The following CLIC4 variants were observed in gnomAD, a reference collection of about 807,000 sequenced individuals.
The protein encoded by CLIC4 is CLIC family member 4, also known as chloride intracellular channel protein 4.
CLIC4 carries 13 observed loss-of-function variants against 24.6 expected under a neutral mutation model. That is an observed-to-expected ratio of 0.53 (90% confidence interval 0.34 to 0.84). The LOEUF (loss-of-function observed/expected upper bound fraction) is 0.84, where lower values mean the gene tolerates loss of function less well. Among genes scored for constraint, CLIC4 ranks in the 40% least tolerant of loss-of-function variants. The pLI is 0.01. For missense variants in CLIC4, 227 were observed against 301.7 expected (o/e 0.75, Z 1.83); for synonymous variants, 104 against 111.3 (o/e 0.93, Z 0.41).
intron 1 of CLIC4, among the ~76,000 whole-genome samples, chr1:24,751,504 C>G (rs1638775906): frequency 2.6e-5 from 4 of 152,114 alleles, no homozygotes; most frequent in Admixed American, 2.6e-4. Context: ...TCCCAAAGTG[C>G]TGGGATTACA....
At chr1:24,795,046 G>A (rs1460900231) in intron 1 of CLIC4, among the ~76,000 whole-genome samples, 1 of 152,120 alleles carries the variant, frequency 6.6e-6, no homozygotes, top group Non-Finnish European at 1.5e-5. Flanking sequence ...GTGGAGGATG[G>A]AAGGAGGGAG....
intron 1 of CLIC4, among the ~76,000 whole-genome samples, chr1:24,783,956 G>A (rs752546584): frequency 2.6e-5 from 4 of 151,646 alleles, no homozygotes; most frequent in Non-Finnish European, 5.9e-5. Flanking sequence ...GGCATCATGA[G>A]GAATTCAAAG....
At chr1:24,798,793 T>C (rs1435223314) in intron 2 of CLIC4, among the ~76,000 whole-genome samples, 1 of 150,978 alleles carries the variant, frequency 6.6e-6, no homozygotes, top group Non-Finnish European at 1.5e-5. Flanking sequence ...GTGCCTGCGA[T>C]TGCAGGCACG....
chr1:24,813,999 A>T (rs1414260133), intron 2 of CLIC4, 95 bp from the exon 3 acceptor site: 4 of 1,468,444 alleles, frequency 2.7e-6, no homozygotes, highest in Non-Finnish European at 3.8e-6. Flanking sequence ...CTACAGACGC[A>T]AGCCACCGTG....
At chr1:24,831,766 G>A (rs566180584) in intron 4 of CLIC4, among the ~76,000 whole-genome samples, 30 of 152,232 alleles carry the variant, frequency 2.0e-4, no homozygotes, top group African/African-American at 6.3e-4. Flanking sequence ...AGCCTCCTGC[G>A]TAGCTGGGAC....
chr1:24,748,499 G>GT (rs869153638), intron 1 of CLIC4, among the ~76,000 whole-genome samples: 1,520 of 80,612 alleles, frequency 0.019, 102 homozygotes, highest in Middle Eastern at 0.047. Context: ...CAGGTTTTTT[G>GT]TTTTTTTTTT....
chr1:24,766,472 GGTTTTTTTTTT>G (rs1638996788), intron 1 of CLIC4, among the ~76,000 whole-genome samples: 2 of 91,638 alleles, frequency 2.2e-5, no homozygotes, highest in African/African-American at 8.3e-5. Context: ...TTGCCCAGAC[GGTTTTTTTTTT>G]TTTTTTTTTT....
At chr1:24,805,086 C>CAAAAAAAAAAAAAAAAAAAA (rs757976140) in intron 2 of CLIC4, among the ~76,000 whole-genome samples, 1 of 46,784 alleles carries the variant, frequency 2.1e-5, no homozygotes, top group Admixed American at 3.1e-4. Flanking sequence ...GACTCCATGT[C>CAAAAAAAAAAAAAAAAAAAA]AAAAAAAAAA....
At chr1:24,753,706 A>G (rs931171663) in intron 1 of CLIC4, among the ~76,000 whole-genome samples, 4 of 151,978 alleles carry the variant, frequency 2.6e-5, no homozygotes, top group African/African-American at 9.7e-5. Flanking sequence ...TAATGTATAC[A>G]TTTTCCTAAC....
At chr1:24,824,416 C>T (rs939024512) in intron 3 of CLIC4, among the ~76,000 whole-genome samples, 5 of 152,086 alleles carry the variant, frequency 3.3e-5, no homozygotes, top group East Asian at 3.9e-4. Context: ...TACAGGCACC[C>T]GCTACCATGC....
chr1:24,778,399 A>G (rs886430369), intron 1 of CLIC4, among the ~76,000 whole-genome samples: 4 of 152,216 alleles, frequency 2.6e-5, no homozygotes, highest in African/African-American at 9.6e-5. Flanking sequence ...TACACTACTC[A>G]ATACATAGTA....
At chr1:24,800,826 G>A (rs1360567935) in intron 2 of CLIC4, among the ~76,000 whole-genome samples, 8 of 152,094 alleles carry the variant, frequency 5.3e-5, no homozygotes, top group South Asian at 2.1e-4. Context: ...TGGATTAAGG[G>A]TGGTGCAAGA....
chr1:24,750,517 C>CA (rs1400076199), intron 1 of CLIC4, among the ~76,000 whole-genome samples: 2 of 150,892 alleles, frequency 1.3e-5, no homozygotes, highest in African/African-American at 4.9e-5. Context: ...AGGTGTGCAC[C>CA]ACCACACCTG....
At chr1:24,766,706 A>G (rs1402067846) in intron 1 of CLIC4, among the ~76,000 whole-genome samples, 3 of 150,744 alleles carry the variant, frequency 2.0e-5, no homozygotes, top group East Asian at 3.9e-4. Context: ...TAGTTTCGCT[A>G]TGTTGGCCAG....
chr1:24,799,623 C>T (rs1432669222), intron 2 of CLIC4, among the ~76,000 whole-genome samples: 3 of 144,536 alleles, frequency 2.1e-5, no homozygotes, highest in Non-Finnish European at 4.5e-5. Flanking sequence ...CCCGCCCGGC[C>T]AGCCGCCCCG....
At chr1:24,817,712 C>A (rs1639685944) in intron 3 of CLIC4, among the ~76,000 whole-genome samples, 1 of 152,210 alleles carries the variant, frequency 6.6e-6, no homozygotes, top group East Asian at 1.9e-4. Context: ...CCTATCTCAG[C>A]TTTTGGCCTG....
intron 3 of CLIC4, among the ~76,000 whole-genome samples, chr1:24,820,267 CTTTTTTTTTTTTTT>C (rs372726009): frequency 2.0e-5 from 1 of 49,762 alleles, no homozygotes; most frequent in African/African-American, 9.0e-5. Context: ...CCTTTTTGGT[CTTTTTTTTTTTTTT>C]TTTTTTTTTT....
chr1:24,766,692 G>A (rs1639002932), intron 1 of CLIC4, among the ~76,000 whole-genome samples: 1 of 150,312 alleles, frequency 6.7e-6, no homozygotes, highest in Non-Finnish European at 1.5e-5. Flanking sequence ...TTTTAGTAGA[G>A]ACATAGTTTC....
intron 3 of CLIC4, among the ~76,000 whole-genome samples, chr1:24,820,067 G>GTATATATATATATA (rs751126014): frequency 7.4e-4 from 27 of 36,448 alleles, no homozygotes; most frequent in Admixed American, 1.9e-3. Context: ...AAAAAAGTAT[G>GTATATATATATATA]TATATATATA....
Sources: allele counts gnomAD v4.1 joint callset (sites outside exome capture counted in the v4.1 genomes callset), GRCh38; gene constraint gnomAD v4.1.1; transcripts MANE v1.5; gene names NCBI Gene and HGNC (gene_info 2026-07-23, HGNC 2026-07-21).